Variants in LRP1B observed in about 807,000 individuals in gnomAD.
LRP1B encodes the protein LDL receptor related protein 1B.
Under a neutral mutation model 556.6 loss-of-function variants are expected in LRP1B, and 217 were observed. The ratio of observed to expected loss-of-function variants is 0.39; its 90% confidence interval spans 0.35 to 0.44. LRP1B has a LOEUF of 0.44. Ranked by LOEUF, LRP1B falls within the 20% of genes least tolerant of loss-of-function variation. The pLI, the probability that LRP1B is intolerant of heterozygous loss-of-function variation, is 1.00. For missense variants in LRP1B, 5,053 were observed against 5,620.8 expected (o/e 0.90, Z 3.23); for synonymous variants, 2,047 against 1,865.8 (o/e 1.10, Z -2.50).
intron 10 of LRP1B, among the ~76,000 whole-genome samples, chr2:141,053,036 T>G (rs373781498): frequency 3.3e-5 from 5 of 152,228 alleles, no homozygotes; most frequent in African/African-American, 1.2e-4. Context: ...TGTAGGTATG[T>G]ATGTTTTAAA....
intron 1 of LRP1B, among the ~76,000 whole-genome samples, chr2:141,953,426 T>C (rs1305691241): frequency 1.3e-5 from 2 of 152,092 alleles, no homozygotes; most frequent in Non-Finnish European, 2.9e-5. Flanking sequence ...GCTGTAAAGC[T>C]CTGGAAAAAG....
At chr2:142,002,065 T>C (rs1702672200) in intron 1 of LRP1B, among the ~76,000 whole-genome samples, 8 of 152,144 alleles carry the variant, frequency 5.3e-5, no homozygotes, top group Admixed American at 4.6e-4. Flanking sequence ...AAGGATGGCC[T>C]CCAGTTTTGC....
At chr2:140,566,755 C>A (rs967504480) in intron 43 of LRP1B, among the ~76,000 whole-genome samples, 19 of 152,162 alleles carry the variant, frequency 1.2e-4, no homozygotes, top group Non-Finnish European at 1.5e-5. Context: ...TGTGCCTGAG[C>A]TGAAGCAGTA....
chr2:141,501,316 T>A (rs927760979), intron 2 of LRP1B, among the ~76,000 whole-genome samples: 11 of 152,104 alleles, frequency 7.2e-5, no homozygotes, highest in African/African-American at 2.7e-4. Context: ...ATAAGTATCA[T>A]AAAATGGCTC....
intron 7 of LRP1B, among the ~76,000 whole-genome samples, chr2:141,097,071 A>G (rs1443995675): frequency 1.3e-5 from 2 of 152,196 alleles, no homozygotes; most frequent in East Asian, 3.8e-4. Context: ...ATAGCAGCTG[A>G]CACACTGTGG....
chr2:140,754,765 A>G (rs1357238116), intron 35 of LRP1B, among the ~76,000 whole-genome samples: 1 of 117,946 alleles, frequency 8.5e-6, no homozygotes, highest in Non-Finnish European at 1.8e-5. Flanking sequence ...TTGCTTAAGA[A>G]CTAGAAAAAA....
intron 7 of LRP1B, among the ~76,000 whole-genome samples, chr2:141,171,318 C>T (rs979973556): frequency 1.3e-5 from 2 of 152,054 alleles, no homozygotes; most frequent in African/African-American, 4.8e-5. Flanking sequence ...CCTAAAAATT[C>T]TCAGTACTCC....
In LRP1B at chr2:141,397,597, A is replaced by G. The variant is rs148861830; in HGVS notation, c.343+82799T>C. Reference sequence around the variant, plus strand: ...AGATAAAAAGGCAACTATTATATTCAGCCAAGGCACACCTGGATTTTTTAT... The same window carrying G: ...AGATAAAAAGGCAACTATTATATTCGGCCAAGGCACACCTGGATTTTTTAT... On this transcript the variant is annotated intron_variant, in intron 3 of 90. Transcript: ENST00000389484. 2.6e-3 allele frequency among the ~76,000 whole-genome samples: 389 copies of G among 152,076 alleles called. 11 individuals are homozygous for G. Among genetic ancestry groups the G allele is most frequent in the Admixed American group, 0.023 (344 of 15,266 alleles).
At chr2:141,248,580 A>C (rs1018296910) in intron 4 of LRP1B, among the ~76,000 whole-genome samples, 2 of 152,180 alleles carry the variant, frequency 1.3e-5, no homozygotes, top group African/African-American at 2.4e-5. Flanking sequence ...TCAAAGAAGA[A>C]GCATAAGGAG....
At chr2:142,044,229 A>G (rs1704175424) in intron 1 of LRP1B, among the ~76,000 whole-genome samples, 1 of 151,780 alleles carries the variant, frequency 6.6e-6, no homozygotes, top group Non-Finnish European at 1.5e-5. Flanking sequence ...TTAAAGGAAA[A>G]AGGAATTAGA....
chr2:141,318,433 C>G (rs973001166), intron 3 of LRP1B, among the ~76,000 whole-genome samples: 1 of 152,092 alleles, frequency 6.6e-6, no homozygotes, highest in African/African-American at 2.4e-5. Flanking sequence ...TTTAAAATAA[C>G]TCTTTAAGTA....
chr2:141,565,347 T>C (rs1686293989), intron 2 of LRP1B, among the ~76,000 whole-genome samples: 1 of 152,178 alleles, frequency 6.6e-6, no homozygotes, highest in Non-Finnish European at 1.5e-5. Context: ...GAATACATTT[T>C]TTCATTACAT....
chr2:140,909,574 A>G (rs1427421667), intron 21 of LRP1B, among the ~76,000 whole-genome samples: 7 of 151,378 alleles, frequency 4.6e-5, no homozygotes, highest in Admixed American at 4.6e-4. Flanking sequence ...GAAACATTAT[A>G]AACTTTTGCA....
intron 39 of LRP1B, 30 bp from the exon 40 acceptor site, chr2:140,701,875 C>T (rs777587104): frequency 9.3e-6 from 15 of 1,611,270 alleles, no homozygotes; most frequent in Non-Finnish European, 1.3e-5. Flanking sequence ...ACATGATCAA[C>T]AATCTTCGAC....
intron 25 of LRP1B, among the ~76,000 whole-genome samples, chr2:140,875,516 C>T (rs1693278077): frequency 6.6e-6 from 1 of 152,072 alleles, no homozygotes; most frequent in South Asian, 2.1e-4. Flanking sequence ...TAATGAAGGC[C>T]TTCACCTCTT....
intron 7 of LRP1B, among the ~76,000 whole-genome samples, chr2:141,130,872 C>T (rs555885214): frequency 5.3e-5 from 8 of 152,048 alleles, no homozygotes; most frequent in Admixed American, 3.3e-4. Flanking sequence ...ATGTCTTTTG[C>T]AGGGACATGG....
chr2:141,019,925 T>C lies in LRP1B; in HGVS notation c.1967A>G (p.Asn656Ser). ...AAGCTAGTCAAATATTGCATACCCA[T>C]TAACTGGATCCACCACAATTCCTCT... Reference protein sequence around the residue: ...HPRGIVVDPVNGWMYWTDWEE... With the variant: ...HPRGIVVDPVSGWMYWTDWEE... Residue 656 changes from asparagine to serine, a missense_variant, in exon 12 of 91, where the codon AAT (asparagine) becomes AGT (serine). This residue lies in a region of LRP1B where 3,619 missense variants were observed against 3,931.9 expected (regional missense o/e 0.92). Coordinates refer to ENST00000389484, the MANE Select transcript of LRP1B (RefSeq NM_018557.3). The C allele has an allele frequency of 6.3e-7, 1 of 1,588,306 alleles. No homozygotes were observed. The highest frequency in any genetic ancestry group is 8.6e-7 in the Non-Finnish European group (1 of 1,166,268).
intron 41 of LRP1B, among the ~76,000 whole-genome samples, chr2:140,680,636 C>T (rs1424304077): frequency 6.6e-6 from 1 of 152,096 alleles, no homozygotes; most frequent in Non-Finnish European, 1.5e-5. Flanking sequence ...AGCTTAAGAA[C>T]ATTGCATCAT....
intron 43 of LRP1B, among the ~76,000 whole-genome samples, chr2:140,553,422 A>AAC (rs61540618): frequency 0.34 from 50,526 of 147,862 alleles, 8,499 homozygotes; most frequent in Admixed American, 0.43. Context: ...TTGTGCTCTT[A>AAC]ACACACACAC....
Sources: gnomAD v4.1 joint callset for allele counts (sites outside exome capture counted in the v4.1 genomes callset) on GRCh38, gnomAD v4.1.1 for gene constraint, gnomAD v4.1.1 regional missense constraint, MANE v1.5 for transcripts, NCBI Gene and HGNC (gene_info 2026-07-23, HGNC 2026-07-21) for gene names.